TIAM1: variants seen among roughly 807,000 people sequenced by gnomAD.
TIAM1 encodes the protein rho guanine nucleotide exchange factor TIAM1.
A neutral mutation model predicts 163.5 loss-of-function variants in TIAM1; 65 were observed. That is an observed-to-expected ratio of 0.40 (90% CI 0.33 to 0.49). The LOEUF is 0.49. Among genes scored for constraint, TIAM1 ranks in the 20% least tolerant of loss-of-function variants. The pLI, the probability that TIAM1 is intolerant of heterozygous loss-of-function variation, is 0.77. For synonymous variants in TIAM1, 833 were observed against 810.1 expected (o/e 1.03, Z -0.48); for missense variants, 1,789 against 2,044.7 (o/e 0.87, Z 2.41).
At chr21:31,375,087 C>T (rs1461719089) in intron 2 of TIAM1, among the ~76,000 whole-genome samples, 6 of 152,176 alleles carry the variant, frequency 3.9e-5, no homozygotes, top group African/African-American at 1.4e-4. Context: ...GTTTTTTACA[C>T]ACAGCAGAGA....
Position 31,521,779 on chromosome 21 carries a change from A to ACAC in TIAM1, c.-422+37147_-422+37148insGTG, listed in dbSNP as rs1432336156. On this transcript the variant is annotated intron_variant, in intron 1 of 28. Transcript: ENST00000286827. ...ACACACACACACACACACACACACAAAGTAAAGGACAGTAAGAACTCTAAT... is the reference window on the plus strand; with the variant it reads ...ACACACACACACACACACACACACAACACAGTAAAGGACAGTAAGAACTCTAAT... Among the ~76,000 whole-genome samples, 175 of 77,492 alleles carry ACAC rather than the reference A, an allele frequency of 2.3e-3. 1 individual carries two copies. Among genetic ancestry groups the ACAC allele is most frequent in the Middle Eastern group, 8.2e-3 (1 of 122 alleles). 50.8% of individuals were successfully genotyped at this position (77,492 alleles called of 152,430 possible).
chr21:31,483,461 T>C (rs1276018700), intron 1 of TIAM1, among the ~76,000 whole-genome samples: 1 of 152,128 alleles, frequency 6.6e-6, no homozygotes, highest in Admixed American at 6.5e-5. Flanking sequence ...TTCAAACACA[T>C]GTCACAGTTT....
In TIAM1 at chr21:31,373,683, G is replaced by C. The variant is rs1443745357; in HGVS notation, c.-368-34261C>G. 2.6e-5 allele frequency among the ~76,000 whole-genome samples: 4 copies of C among 152,122 alleles called. No homozygotes were observed. The East Asian group carries it at 5.8e-4, about 22-fold the overall frequency. ...GGGTGTCTGGAATTTTTTTCTTTCA[G>C]GGGAGTACTAGAGATGAGAGAAGAG... On this transcript the variant is annotated intron_variant, in intron 2 of 28. Transcript: ENST00000286827.
chr21:31,418,929 A>G (rs2043469252), intron 2 of TIAM1, among the ~76,000 whole-genome samples: 1 of 152,146 alleles, frequency 6.6e-6, no homozygotes, highest in Non-Finnish European at 1.5e-5. Flanking sequence ...GTGGCTTTGA[A>G]GCCCAGCCCC....
chr21:31,188,995 A>C (rs1305131021), intron 13 of TIAM1, among the ~76,000 whole-genome samples: 1 of 148,650 alleles, frequency 6.7e-6, no homozygotes, highest in African/African-American at 2.5e-5. Context: ...CCTGAAGCCA[A>C]TTAGATGGAG....
intron 17 of TIAM1, 92 bp from the exon 18 acceptor site, chr21:31,153,226 A>G: frequency 9.2e-7 from 1 of 1,088,492 alleles, no homozygotes; most frequent in Non-Finnish European, 1.3e-6. Flanking sequence ...AATGTCTATA[A>G]AAGGATCTAG....
chr21:31,264,120 CA>C (rs1350257169), intron 4 of TIAM1, among the ~76,000 whole-genome samples: 1 of 152,086 alleles, frequency 6.6e-6, no homozygotes, highest in Non-Finnish European at 1.5e-5. Context: ...TTCTAGGACA[CA>C]AGTGTTTTTT....
intron 1 of TIAM1, among the ~76,000 whole-genome samples, chr21:31,523,941 G>C (rs2047692147): frequency 6.7e-6 from 1 of 149,334 alleles, no homozygotes. Context: ...AAAATAGTAT[G>C]TACTCTGCCT....
At chr21:31,258,297 C>A (rs2072241408) in intron 4 of TIAM1, among the ~76,000 whole-genome samples, 1 of 152,156 alleles carries the variant, frequency 6.6e-6, no homozygotes, top group African/African-American at 2.4e-5. Flanking sequence ...TCATTTTCCA[C>A]CACAATCTCA....
chr21:31,155,666 G>A (rs1489776217), intron 16 of TIAM1, among the ~76,000 whole-genome samples: 5 of 152,104 alleles, frequency 3.3e-5, no homozygotes, highest in South Asian at 2.1e-4. Flanking sequence ...CACCACGCCC[G>A]GCTATTTTTT....
intron 12 of TIAM1, among the ~76,000 whole-genome samples, chr21:31,200,650 T>C (rs536268557): frequency 5.1e-4 from 78 of 152,296 alleles, no homozygotes; most frequent in Middle Eastern, 3.4e-3. Flanking sequence ...AGCTAATAAA[T>C]AAGAACATAT....
chr21:31,347,117 G>A (rs1052416615), upstream of TIAM1, among the ~76,000 whole-genome samples: 2 of 152,000 alleles, frequency 1.3e-5, no homozygotes, highest in Non-Finnish European at 2.9e-5. Flanking sequence ...TATCTCTCAG[G>A]CCTAAAAATA....
chr21:31,158,960 G>A (rs990233213), intron 16 of TIAM1, among the ~76,000 whole-genome samples: 4 of 152,222 alleles, frequency 2.6e-5, no homozygotes, highest in Non-Finnish European at 5.9e-5. Context: ...AGCCACAAGT[G>A]CCAAGAAAGG....
intron 2 of TIAM1, among the ~76,000 whole-genome samples, chr21:31,283,135 T>C (rs923707912): frequency 2.0e-5 from 3 of 152,226 alleles, no homozygotes; most frequent in Non-Finnish European, 4.4e-5. Flanking sequence ...CGAGCTACCA[T>C]TTATGGAAAG....
At chr21:31,447,299 T>TA (rs2044663024) in intron 2 of TIAM1, among the ~76,000 whole-genome samples, 1 of 152,038 alleles carries the variant, frequency 6.6e-6, no homozygotes, top group Non-Finnish European at 1.5e-5. Context: ...TAGCAGGGTG[T>TA]AGTGGTGTGC....
Position 31,523,774 on chromosome 21 carries a change from A to C in TIAM1, c.-422+35153T>G, listed in dbSNP as rs992907050. On this transcript the variant is annotated intron_variant, in intron 1 of 28. Coordinates refer to the TIAM1 transcript ENST00000286827. ...CCCCATCTCTACTAAAAATACAAAAATTAGCCAGGCATGGTGGCCTGTAAT... is the reference window on the plus strand; with the variant it reads ...CCCCATCTCTACTAAAAATACAAAACTTAGCCAGGCATGGTGGCCTGTAAT... 2.0e-4 allele frequency among the ~76,000 whole-genome samples: 30 copies of C among 152,076 alleles called. 1 individual carries two copies. The highest frequency in any genetic ancestry group is 6.5e-4 in the African/African-American group (27 of 41,426).
intron 16 of TIAM1, 102 bp from the exon 17 acceptor site, chr21:31,154,528 G>T: frequency 8.3e-7 from 1 of 1,198,206 alleles, no homozygotes; most frequent in Non-Finnish European, 1.2e-6. Context: ...TTAGTCAACT[G>T]TCACATATGA....
rs1048658952 is a variant in TIAM1, at chr21:31,141,913, G to A, written c.3476-409C>T. Among the ~76,000 whole-genome samples, 1 of 152,152 alleles carries A rather than the reference G, an allele frequency of 6.6e-6. No individual in the cohort carries two copies. Among genetic ancestry groups the A allele is most frequent in the African/African-American group, 2.4e-5 (1 of 41,440 alleles). ...GATAGTAAAAGACTTGCCAGGAAAT[G>A]TGCCTTTTATAGAGTCCCCACACAC... On this transcript the variant is annotated intron_variant, in intron 20 of 27. Coordinates refer to ENST00000541036, the MANE Select transcript of TIAM1 (RefSeq NM_001353694.2). This position sits in a 1 kb window ranked among gnomAD's most constrained non-coding sequence, Gnocchi z 4.7.
At chr21:31,318,283 A>G (rs2075196258) in intron 2 of TIAM1, among the ~76,000 whole-genome samples, 1 of 152,160 alleles carries the variant, frequency 6.6e-6, no homozygotes, top group Non-Finnish European at 1.5e-5. Flanking sequence ...TTTTTCATAG[A>G]GACAGGAGAA....
Sources: gnomAD v4.1 joint callset for allele counts (sites outside exome capture counted in the v4.1 genomes callset) on GRCh38, gnomAD v4.1.1 for gene constraint, Gnocchi (gnomAD v3.1) non-coding constraint, MANE v1.5 for transcripts, NCBI Gene and HGNC (gene_info 2026-07-23, HGNC 2026-07-21) for gene names.